Variants in SNTG1 observed in about 807,000 individuals in gnomAD.
SNTG1 encodes gamma-1-syntrophin.
SNTG1 carries 39 observed loss-of-function variants against 74.7 expected under a neutral mutation model. The ratio of observed to expected loss-of-function variants is 0.52; its 90% CI spans 0.40 to 0.68. SNTG1 has a LOEUF of 0.68. SNTG1 is among the 30% of genes least tolerant of loss of function. SNTG1 has a pLI of 0.00. For synonymous variants in SNTG1, 254 were observed against 217.1 expected, an observed-to-expected ratio of 1.17 and a Z score of -1.49; for missense variants, 685 against 609.5, an observed-to-expected ratio of 1.12 and a Z score of -1.30.
At chr8:50,500,800 C>T (rs1192243127) in intron 8 of SNTG1, among the ~76,000 whole-genome samples, 1 of 152,048 alleles carries the variant, frequency 6.6e-6, no homozygotes, top group Non-Finnish European at 1.5e-5. Context: ...CCACTGTTCC[C>T]TGCTGGGATT....
chr8:50,746,033 A>T (rs1176257608), intron 17 of SNTG1, among the ~76,000 whole-genome samples: 3 of 152,004 alleles, frequency 2.0e-5, no homozygotes, highest in Admixed American at 2.0e-4. Context: ...ATTTTATATT[A>T]TGTATATTTT....
At chr8:49,972,135 C>A (rs1585718084) in intron 1 of SNTG1, among the ~76,000 whole-genome samples, 2 of 152,242 alleles carry the variant, frequency 1.3e-5, no homozygotes, top group Admixed American at 6.5e-5. Context: ...GCCACAGTAA[C>A]CAAAACAGCA....
At chr8:50,216,597 G>A (rs2084803930) in intron 2 of SNTG1, among the ~76,000 whole-genome samples, 1 of 152,030 alleles carries the variant, frequency 6.6e-6, no homozygotes, top group African/African-American at 2.4e-5. Context: ...TTATCTGAAG[G>A]GGTGTATACT....
In SNTG1 at chr8:50,593,206, G is replaced by A. The variant is rs911657808; in HGVS notation, c.849+2289G>A. 2.6e-5 allele frequency among the ~76,000 whole-genome samples: 4 copies of A among 152,028 alleles called. No homozygotes were observed. The East Asian group carries it at 7.7e-4, about 29-fold the overall frequency. On this transcript the variant is annotated intron_variant, in intron 13 of 18. Coordinates refer to ENST00000642720, the MANE Select transcript of SNTG1 (RefSeq NM_018967.5). The stretch of plus-strand genomic sequence containing the variant: ...CCAGATGGTACCACTACCCTAACCA[G>A]AGAAATTAAAATGAAAGCAAAACAT...
At chr8:50,637,925 T>C (rs2095049430) in intron 13 of SNTG1, among the ~76,000 whole-genome samples, 1 of 152,092 alleles carries the variant, frequency 6.6e-6, no homozygotes, top group Non-Finnish European at 1.5e-5. Flanking sequence ...AAGGTTAAGT[T>C]TTGCAAGAAC....
chr8:50,089,315 C>G (rs2079622039), intron 1 of SNTG1, among the ~76,000 whole-genome samples: 1 of 151,260 alleles, frequency 6.6e-6, no homozygotes, highest in African/African-American at 2.4e-5. Context: ...AGAAGAAAAC[C>G]TAGGCATTAC....
intron 2 of SNTG1, among the ~76,000 whole-genome samples, chr8:50,330,166 G>C (rs1022466369): frequency 8.5e-5 from 13 of 152,126 alleles, no homozygotes; most frequent in Non-Finnish European, 1.3e-4. Context: ...CCCTCATGCT[G>C]TTCCTGTGAT....
chr8:50,313,276 A>T lies in SNTG1; in HGVS notation c.-27-80936A>T, dbSNP rs185524964. Among the ~76,000 whole-genome samples, 5 of 150,096 alleles carry T rather than the reference A, an allele frequency of 3.3e-5. 1 individual carries two copies. In the East Asian group the frequency reaches 7.9e-4, roughly 24 times the overall value. ...GAACAATGATTTTTTTGAATATGACACCAAAAAGCACAGGAAACCAAAGCA... is the reference window on the plus strand; with the variant it reads ...GAACAATGATTTTTTTGAATATGACTCCAAAAAGCACAGGAAACCAAAGCA... On this transcript the variant is annotated intron_variant, in intron 2 of 18. Transcript: ENST00000642720.
chr8:50,732,478 T>C (rs1218168776), intron 17 of SNTG1, among the ~76,000 whole-genome samples: 1 of 151,968 alleles, frequency 6.6e-6, no homozygotes, highest in African/African-American at 2.4e-5. Context: ...TTTTTCCGTA[T>C]ATCTACATAA....
chr8:50,324,991 C>T (rs560107303), intron 2 of SNTG1, among the ~76,000 whole-genome samples: 4 of 144,146 alleles, frequency 2.8e-5, no homozygotes, highest in African/African-American at 1.0e-4. Context: ...AGAGAGAATA[C>T]TGTGTGTGTA....
chr8:50,671,521 G>A (rs78546727), intron 15 of SNTG1, among the ~76,000 whole-genome samples: 35,958 of 151,842 alleles, frequency 0.24, 4,431 homozygotes, highest in South Asian at 0.34. Flanking sequence ...TTAGAATGGC[G>A]ATCATTAAAA....
At chr8:50,452,589 T>C (rs998337384) in intron 8 of SNTG1, among the ~76,000 whole-genome samples, 1 of 152,202 alleles carries the variant, frequency 6.6e-6, no homozygotes, top group African/African-American at 2.4e-5. Context: ...TAGTGCAGCA[T>C]GAAAGATTAG....
intron 4 of SNTG1, among the ~76,000 whole-genome samples, chr8:50,405,585 C>T (rs2092863037): frequency 6.6e-6 from 1 of 151,906 alleles, no homozygotes; most frequent in South Asian, 2.1e-4. Context: ...ATATTTTCTC[C>T]CAAATTGTGG....
intron 2 of SNTG1, among the ~76,000 whole-genome samples, chr8:50,368,144 G>A (rs575971413): frequency 1.3e-5 from 2 of 152,178 alleles, no homozygotes; most frequent in East Asian, 1.9e-4. Context: ...AAATATAGAC[G>A]TTAAATATTC....
chr8:50,093,289 C>T (rs2079807635), intron 1 of SNTG1, among the ~76,000 whole-genome samples: 1 of 152,068 alleles, frequency 6.6e-6, no homozygotes. Context: ...TACAATCTTA[C>T]TGAGATATAA....
At chr8:49,956,558 A>ATTTAAAAATTGTAC (rs1810190914) in intron 1 of SNTG1, among the ~76,000 whole-genome samples, 1 of 152,230 alleles carries the variant, frequency 6.6e-6, no homozygotes, top group African/African-American at 2.4e-5. Flanking sequence ...CCAGATCCAC[A>ATTTAAAAATTGTAC]TTTAAAAATT....
intron 1 of SNTG1, among the ~76,000 whole-genome samples, chr8:50,108,412 T>C (rs1459275796): frequency 6.6e-6 from 1 of 152,168 alleles, no homozygotes; most frequent in African/African-American, 2.4e-5. Context: ...TGCCATTCTT[T>C]GCAATAATTT....
At chr8:50,396,628 T>A (rs940396080) in intron 3 of SNTG1, among the ~76,000 whole-genome samples, 2 of 152,240 alleles carry the variant, frequency 1.3e-5, no homozygotes, top group Non-Finnish European at 2.9e-5. Flanking sequence ...GCAAGAAAAT[T>A]TGCAGTCCAT....
chr8:50,669,216 A>T (rs938870902), intron 15 of SNTG1, among the ~76,000 whole-genome samples: 9 of 90,060 alleles, frequency 1.0e-4, no homozygotes, highest in Non-Finnish European at 1.0e-4. Flanking sequence ...ATAGAGATTT[A>T]AAAAAAAAAC....
Sources: gnomAD v4.1 joint callset for allele counts (sites outside exome capture counted in the v4.1 genomes callset) on GRCh38, gnomAD v4.1.1 for gene constraint, MANE v1.5 for transcripts, NCBI Gene and HGNC (gene_info 2026-07-23, HGNC 2026-07-21) for gene names.